Variants in RAP1GAP2 observed in about 807,000 individuals in gnomAD.
The protein encoded by RAP1GAP2 is RAP1 GTPase activating protein 2.
RAP1GAP2 carries 27 observed loss-of-function variants against 95.0 expected under a neutral mutation model. The observed-to-expected ratio is 0.28, with a 90% CI of 0.21 to 0.39. RAP1GAP2 has a LOEUF of 0.39. Ranked by LOEUF, RAP1GAP2 falls within the 10% of genes least tolerant of loss-of-function variation. RAP1GAP2 has a pLI of 1.00. For synonymous variants in RAP1GAP2, 373 were observed against 380.9 expected (o/e 0.98, Z 0.24); for missense variants, 771 against 970.0 (o/e 0.79, Z 2.72).
intron 1 of RAP1GAP2, among the ~76,000 whole-genome samples, chr17:2,782,565 G>A (rs140435322): frequency 6.6e-6 from 1 of 152,162 alleles, no homozygotes; most frequent in Non-Finnish European, 1.5e-5. Context: ...TCCAATGGGG[G>A]CCTTGGCCTT....
At chr17:2,981,807 A>T (rs2045368854) in intron 10 of RAP1GAP2, among the ~76,000 whole-genome samples, 1 of 152,162 alleles carries the variant, frequency 6.6e-6, no homozygotes, top group Non-Finnish European at 1.5e-5. Context: ...TGTGAGTGGG[A>T]AGAAGAGCAA....
chr17:2,942,912 C>A (rs1191384600), intron 3 of RAP1GAP2, among the ~76,000 whole-genome samples: 1 of 151,954 alleles, frequency 6.6e-6, no homozygotes, highest in Non-Finnish European at 1.5e-5. Context: ...GGATGACAGG[C>A]ACTCACCACC....
At chr17:2,862,624 T>C (rs1289792838) in intron 2 of RAP1GAP2, among the ~76,000 whole-genome samples, 1 of 152,212 alleles carries the variant, frequency 6.6e-6, no homozygotes, top group South Asian at 2.1e-4. Context: ...AAGTGCTTTT[T>C]ATTTTAATAG....
intron 2 of RAP1GAP2, among the ~76,000 whole-genome samples, chr17:2,862,780 T>C (rs1249338472): frequency 6.6e-6 from 1 of 151,908 alleles, no homozygotes; most frequent in Non-Finnish European, 1.5e-5. Context: ...GGCGGATCAC[T>C]CAAGGCTGGG....
intron 1 of RAP1GAP2, among the ~76,000 whole-genome samples, chr17:2,769,168 G>C (rs962870772): frequency 1.4e-5 from 2 of 146,828 alleles, no homozygotes; most frequent in African/African-American, 5.0e-5. Flanking sequence ...CAGGTTGGAG[G>C]CTTCAGTGAA....
At chr17:2,897,318 A>G (rs911927207) in intron 2 of RAP1GAP2, among the ~76,000 whole-genome samples, 2 of 152,154 alleles carry the variant, frequency 1.3e-5, no homozygotes, top group Non-Finnish European at 2.9e-5. Context: ...AACCTGGGCA[A>G]CAAGAGTGAA....
intron 2 of RAP1GAP2, among the ~76,000 whole-genome samples, chr17:2,840,843 C>T (rs2071344796): frequency 6.6e-6 from 1 of 152,014 alleles, no homozygotes; most frequent in Non-Finnish European, 1.5e-5. Context: ...ACAAAAAATA[C>T]AAAAATTAGC....
At chr17:2,791,297 G>T (rs1032163220) in intron 1 of RAP1GAP2, among the ~76,000 whole-genome samples, 1 of 152,160 alleles carries the variant, frequency 6.6e-6, no homozygotes, top group Non-Finnish European at 1.5e-5. Context: ...GCCCCAGGCT[G>T]GTCCCCGAGA....
At chr17:2,800,091 T>C in intron 1 of RAP1GAP2, 1 of 670,580 alleles carries the variant, frequency 1.5e-6, no homozygotes. Context: ...GAAATATGGA[T>C]GTCCACCTGG....
At chr17:2,772,333 C>T (rs933113877), upstream of RAP1GAP2, among the ~76,000 whole-genome samples, 11 of 152,128 alleles carry the variant, frequency 7.2e-5, no homozygotes, top group South Asian at 4.1e-4. Context: ...CTCTGTCACA[C>T]GGGCTGGACT....
In RAP1GAP2 at chr17:3,016,045, A is replaced by C. The variant is rs17762543; in HGVS notation, c.1495-2016A>C. On this transcript the variant is annotated intron_variant, in intron 17 of 24. Coordinates refer to ENST00000254695, the MANE Select transcript of RAP1GAP2 (RefSeq NM_015085.5). ...TCGACTAGCTCACACTACGATAAGG[A>C]AAATTCATGAGCTGGTGTCCAAGGA... 3.6e-3 allele frequency among the ~76,000 whole-genome samples: 554 copies of C among 152,234 alleles called. 2 individuals are homozygous for C. The highest frequency in any genetic ancestry group is 6.0e-3 in the Non-Finnish European group (409 of 68,016).
At chr17:3,014,634 C>T (rs1010656969) in intron 17 of RAP1GAP2, among the ~76,000 whole-genome samples, 17 of 150,856 alleles carry the variant, frequency 1.1e-4, no homozygotes, top group Middle Eastern at 3.4e-3. Flanking sequence ...ACTGCAACCC[C>T]AGCCTCCTGG....
At chr17:2,949,777 G>T (rs1324366504) in intron 3 of RAP1GAP2, among the ~76,000 whole-genome samples, 1 of 152,214 alleles carries the variant, frequency 6.6e-6, no homozygotes, top group South Asian at 2.1e-4. Context: ...GCTGTTCCCG[G>T]CTGGCCTGAG....
chr17:2,800,317 G>C (rs546310716), intron 1 of RAP1GAP2, 198 bp from the exon 2 acceptor site: 41 of 839,114 alleles, frequency 4.9e-5, no homozygotes, highest in Non-Finnish European at 5.6e-5. Flanking sequence ...CATGTTGTAG[G>C]GTGGTGTGTG....
chr17:2,967,954 A>G lies in RAP1GAP2; in HGVS notation c.596+2311A>G, dbSNP rs901252084. 4.6e-5 allele frequency among the ~76,000 whole-genome samples: 7 copies of G among 152,336 alleles called. No homozygotes were observed. The East Asian group carries it at 5.8e-4, about 13-fold the overall frequency. ...AGAATCTACCCACAGTTTGGAGACA[A>G]TGAGCCTGTGTAGATTTCTTCTGTT... On this transcript the variant is annotated intron_variant, in intron 8 of 24. Coordinates refer to ENST00000254695, the MANE Select transcript of RAP1GAP2 (RefSeq NM_015085.5).
At chr17:2,761,893 G>A (rs544348012) in intron 1 of RAP1GAP2, among the ~76,000 whole-genome samples, 7 of 151,518 alleles carry the variant, frequency 4.6e-5, no homozygotes, top group Admixed American at 2.0e-4. Context: ...GTGTGAAATG[G>A]TGTCTCATTG....
chr17:2,995,647 G>T (rs115812867), intron 13 of RAP1GAP2, among the ~76,000 whole-genome samples, 181 bp downstream of exon 13: 3,020 of 152,336 alleles, frequency 0.02, 86 homozygotes, highest in African/African-American at 0.069. Flanking sequence ...CTGTGCCTCA[G>T]CGGTCCGTTC....
In RAP1GAP2 at chr17:2,832,475, G is replaced by A. The variant is rs187049776; in HGVS notation, c.80+31925G>A. Among the ~76,000 whole-genome samples the A allele has an allele frequency of 2.2e-3, 330 of 146,954 alleles. 10 individuals are homozygous for A. The East Asian group carries it at 0.056, about 25-fold the overall frequency. Reference sequence around the variant, plus strand: ...CGGGAGGCTGAGGCAGGAGAATGGCGTGAACCCAGGAGGTGGAGGTTGCAG... The same window carrying A: ...CGGGAGGCTGAGGCAGGAGAATGGCATGAACCCAGGAGGTGGAGGTTGCAG... On this transcript the variant is annotated intron_variant, in intron 2 of 24. Coordinates refer to ENST00000254695, the MANE Select transcript of RAP1GAP2 (RefSeq NM_015085.5).
At chr17:2,898,806 T>C (rs2041926869) in intron 2 of RAP1GAP2, among the ~76,000 whole-genome samples, 2 of 152,238 alleles carry the variant, frequency 1.3e-5, no homozygotes, top group Non-Finnish European at 2.9e-5. Context: ...CTGAGTGCTT[T>C]CTGGGCCTTC....
Sources: allele counts gnomAD v4.1 joint callset (sites outside exome capture counted in the v4.1 genomes callset), GRCh38; gene constraint gnomAD v4.1.1; transcripts MANE v1.5; gene names NCBI Gene and HGNC (gene_info 2026-07-23, HGNC 2026-07-21).